EPHA6: variants seen among roughly 807,000 people sequenced by gnomAD.
The protein encoded by EPHA6 is EPH receptor A6.
A neutral mutation model predicts 112.0 loss-of-function variants in EPHA6; 50 were observed. That is an observed-to-expected ratio of 0.45 (90% CI 0.36 to 0.56). EPHA6 has a LOEUF of 0.56. Among genes scored for constraint, EPHA6 ranks in the 20% least tolerant of loss-of-function variants. The probability of loss-of-function intolerance (pLI) is 0.00; values close to 1 mark genes in which losing one functional copy is unlikely to be tolerated. For synonymous variants in EPHA6, 529 were observed against 490.7 expected, an observed-to-expected ratio of 1.08 and a Z score of -1.03; for missense variants, 1,280 against 1,417.4, an observed-to-expected ratio of 0.90 and a Z score of 1.56.
At position 97,033,571 on chromosome 3, in the gene EPHA6, T is replaced by C. The variant is rs929104667; in HGVS notation, c.1114+45578T>C. Among the ~76,000 whole-genome samples, 3 of 151,974 alleles carry C rather than the reference T, an allele frequency of 2.0e-5. No individual in the cohort carries two copies. In the Admixed American group the frequency reaches 2.0e-4, roughly 10 times the overall value. On this transcript the variant is annotated intron_variant, in intron 3 of 17. Coordinates refer to ENST00000389672, the MANE Select transcript of EPHA6 (RefSeq NM_001080448.3). ...ATAAAAAGTGGTAGCTGTATGATAG[T>C]GTTTGGCTGATAAGAGTATTAGAAT...
chr3:97,260,783 G>C (rs932116166), intron 5 of EPHA6, among the ~76,000 whole-genome samples: 1 of 152,134 alleles, frequency 6.6e-6, no homozygotes, highest in African/African-American at 2.4e-5. Context: ...TTATAAAACC[G>C]TTTTTCATTG....
intron 3 of EPHA6, among the ~76,000 whole-genome samples, chr3:97,100,854 T>C (rs1448887704): frequency 1.3e-5 from 2 of 151,994 alleles, no homozygotes; most frequent in African/African-American, 4.8e-5. Flanking sequence ...ATCCTAATAT[T>C]AACCACTCCC....
Position 97,189,128 on chromosome 3 carries a change from A to C in EPHA6, c.1115-37136A>C, listed in dbSNP as rs148449883. On this transcript the variant is annotated intron_variant, in intron 3 of 17. Coordinates refer to ENST00000389672, the MANE Select transcript of EPHA6 (RefSeq NM_001080448.3). ...ATGCTGGAAACTTTACAAGGTGTCC[A>C]TAAAATCTGGAAATGTAAATATAAC... Among the ~76,000 whole-genome samples the C allele has an allele frequency of 3.1e-3, 477 of 152,160 alleles. 1 individual carries two copies. The highest frequency in any genetic ancestry group is 0.011 in the African/African-American group (443 of 41,558).
intron 3 of EPHA6, among the ~76,000 whole-genome samples, chr3:97,213,329 C>T (rs2077932124): frequency 6.6e-6 from 1 of 152,138 alleles, no homozygotes; most frequent in Admixed American, 6.6e-5. Flanking sequence ...CTCTTGGAAC[C>T]ACAGCTTCAG....
chr3:97,624,303 A>G (rs1432189542), intron 13 of EPHA6, among the ~76,000 whole-genome samples: 2 of 151,632 alleles, frequency 1.3e-5, no homozygotes, highest in Non-Finnish European at 3.0e-5. Context: ...ATCATTGTGG[A>G]GATCTTCCCC....
At chr3:97,151,389 A>C (rs1280773687) in intron 3 of EPHA6, among the ~76,000 whole-genome samples, 2 of 152,164 alleles carry the variant, frequency 1.3e-5, no homozygotes, top group African/African-American at 4.8e-5. Context: ...AATGTTTTGC[A>C]TAATTTTTGT....
At chr3:97,175,227 G>A (rs113279219) in intron 3 of EPHA6, among the ~76,000 whole-genome samples, 7,211 of 151,910 alleles carry the variant, frequency 0.047, 516 homozygotes, top group Admixed American at 0.2. Context: ...ATTTGTTTCT[G>A]GGTTCTCTAT....
chr3:97,651,314 A>G (rs2094106049), intron 14 of EPHA6, among the ~76,000 whole-genome samples: 1 of 152,046 alleles, frequency 6.6e-6, no homozygotes, highest in Non-Finnish European at 1.5e-5. Flanking sequence ...AAAGAAGCAA[A>G]TGTAGCAAAT....
At chr3:97,312,274 C>A (rs550238423) in intron 5 of EPHA6, among the ~76,000 whole-genome samples, 1 of 151,608 alleles carries the variant, frequency 6.6e-6, no homozygotes, top group East Asian at 1.9e-4. Flanking sequence ...TTATTATTTT[C>A]ATGACCTATT....
chr3:97,237,406 T>C (rs2078711610), intron 4 of EPHA6, among the ~76,000 whole-genome samples: 1 of 152,024 alleles, frequency 6.6e-6, no homozygotes. Flanking sequence ...ACATATACTT[T>C]AATTTACATT....
chr3:97,671,942 T>TCTC (rs981023227), intron 14 of EPHA6, among the ~76,000 whole-genome samples: 6 of 152,202 alleles, frequency 3.9e-5, no homozygotes, highest in African/African-American at 1.4e-4. Context: ...CTCATTTCAG[T>TCTC]CTGACACCTT....
intron 14 of EPHA6, among the ~76,000 whole-genome samples, chr3:97,676,828 T>G (rs746071044): frequency 2.1e-4 from 32 of 152,274 alleles, no homozygotes; most frequent in Non-Finnish European, 4.1e-4. Flanking sequence ...AGCTTTTATT[T>G]TCTCCATCAT....
At chr3:97,016,809 G>T (rs1183402461) in intron 3 of EPHA6, among the ~76,000 whole-genome samples, 1 of 152,140 alleles carries the variant, frequency 6.6e-6, no homozygotes, top group African/African-American at 2.4e-5. Flanking sequence ...GGCATCTGCA[G>T]TATCCACTCT....
chr3:97,442,755 G>T (rs191246332), intron 6 of EPHA6, among the ~76,000 whole-genome samples: 1 of 152,098 alleles, frequency 6.6e-6, no homozygotes, highest in Non-Finnish European at 1.5e-5. Context: ...GACTCTTTCA[G>T]CCAGAATATG....
intron 5 of EPHA6, among the ~76,000 whole-genome samples, chr3:97,356,984 A>G (rs962952111): frequency 1.3e-5 from 2 of 152,088 alleles, no homozygotes; most frequent in Admixed American, 6.6e-5. Flanking sequence ...AATACTTATA[A>G]ATATTATGTC....
chr3:97,200,913 T>C (rs977185015), intron 3 of EPHA6, among the ~76,000 whole-genome samples: 2 of 152,144 alleles, frequency 1.3e-5, no homozygotes, highest in African/African-American at 4.8e-5. Context: ...TAGTTCTTTG[T>C]AGTTTATTTT....
intron 3 of EPHA6, among the ~76,000 whole-genome samples, chr3:97,193,428 C>A (rs2077359595): frequency 6.6e-6 from 1 of 151,812 alleles, no homozygotes; most frequent in Non-Finnish European, 1.5e-5. Flanking sequence ...TTCTTGATTT[C>A]TTTTTCAGAT....
At chr3:97,695,530 T>C (rs1447392480) in intron 14 of EPHA6, among the ~76,000 whole-genome samples, 1 of 152,220 alleles carries the variant, frequency 6.6e-6, no homozygotes, top group Non-Finnish European at 1.5e-5. Context: ...GCTATAAATC[T>C]ACAGTCTACA....
At chr3:97,646,308 A>G (rs1354254879) in intron 14 of EPHA6, 2 of 1,512,382 alleles carry the variant, frequency 1.3e-6, no homozygotes. Context: ...TAACCCTCCA[A>G]CAGTGAGTCT....
Sources: allele counts gnomAD v4.1 joint callset (sites outside exome capture counted in the v4.1 genomes callset), GRCh38; gene constraint gnomAD v4.1.1; transcripts MANE v1.5; gene names NCBI Gene and HGNC (gene_info 2026-07-23, HGNC 2026-07-21).